Variants in LRP1B observed in about 807,000 individuals in gnomAD.
The protein encoded by LRP1B is LDL receptor related protein 1B.
Under a neutral mutation model 556.6 loss-of-function variants are expected in LRP1B, and 217 were observed. That is an observed-to-expected ratio of 0.39 (90% confidence interval 0.35 to 0.44). The LOEUF (loss-of-function observed/expected upper bound fraction) is 0.44, where lower values mean the gene tolerates loss of function less well. Among genes scored for constraint, LRP1B ranks in the 20% least tolerant of loss-of-function variants. The pLI is 1.00. For synonymous variants in LRP1B, 2,047 were observed against 1,865.8 expected (o/e 1.10, Z -2.50); for missense variants, 5,053 against 5,620.8 (o/e 0.90, Z 3.23).
At chr2:142,106,051 A>G (rs966983655) in intron 1 of LRP1B, among the ~76,000 whole-genome samples, 3 of 152,162 alleles carry the variant, frequency 2.0e-5, no homozygotes, top group African/African-American at 7.2e-5. Flanking sequence ...CTCAAGCCCT[A>G]TGTCTACCAC....
At chr2:141,166,007 G>A (rs1680237003) in intron 7 of LRP1B, among the ~76,000 whole-genome samples, 1 of 151,912 alleles carries the variant, frequency 6.6e-6, no homozygotes, top group Admixed American at 6.6e-5. Context: ...CCTAGTGCAA[G>A]CAACCTCTAC....
intron 3 of LRP1B, among the ~76,000 whole-genome samples, chr2:141,339,750 GTTTATTTATTTTTCTCTTTTATTTA>G (rs1157468283): frequency 3.3e-5 from 4 of 121,356 alleles, no homozygotes; most frequent in African/African-American, 1.4e-4. Flanking sequence ...AAGAGTCATG[GTTTATTTATTTTTCTCTTTTATTTA>G]TTTATTTATT....
chr2:141,136,927 CAGTTCT>C (rs1387294924), intron 7 of LRP1B, among the ~76,000 whole-genome samples: 2 of 151,806 alleles, frequency 1.3e-5, no homozygotes, highest in African/African-American at 2.4e-5. Flanking sequence ...ATCTGGTATT[CAGTTCT>C]ATAGATACTA....
intron 84 of LRP1B, among the ~76,000 whole-genome samples, chr2:140,281,976 TG>T (rs1267689614): frequency 6.8e-6 from 1 of 147,004 alleles, no homozygotes; most frequent in East Asian, 2.0e-4. Context: ...ATACTTATAC[TG>T]GGATGAGATA....
chr2:140,440,509 A>C (rs1686377596), intron 66 of LRP1B, among the ~76,000 whole-genome samples: 1 of 152,194 alleles, frequency 6.6e-6, no homozygotes, highest in Admixed American at 6.5e-5. Context: ...GCAGAAGGAG[A>C]ATCATCCCAG....
At chr2:141,718,000 T>C (rs1692670327) in intron 2 of LRP1B, among the ~76,000 whole-genome samples, 1 of 152,184 alleles carries the variant, frequency 6.6e-6, no homozygotes, top group Non-Finnish European at 1.5e-5. Context: ...TCCCAGGGCT[T>C]TGCATAGAGA....
chr2:141,720,831 C>T (rs1259458040), intron 2 of LRP1B, among the ~76,000 whole-genome samples: 2 of 152,068 alleles, frequency 1.3e-5, no homozygotes, highest in East Asian at 1.9e-4. Flanking sequence ...ACAATCCTTT[C>T]CCACTAGGAA....
At chr2:142,110,750 G>A (rs1325648658) in intron 1 of LRP1B, among the ~76,000 whole-genome samples, 3 of 152,038 alleles carry the variant, frequency 2.0e-5, no homozygotes, top group Non-Finnish European at 4.4e-5. Flanking sequence ...AGATTATAAA[G>A]GACATCTCCT....
chr2:141,597,821 G>A lies in LRP1B; in HGVS notation c.206-117288C>T, dbSNP rs534659893. ...TTAAATGATGAACAGTCACTTAAAC[G>A]TATCAGACATTAACAACAGGAATGA... On this transcript the variant is annotated intron_variant, in intron 2 of 90. Transcript: ENST00000389484. Among the ~76,000 whole-genome samples, 19 of 151,966 alleles carry A rather than the reference G, an allele frequency of 1.3e-4. No homozygotes were observed. In the South Asian group the frequency reaches 3.3e-3, roughly 27 times the overall value.
At chr2:140,566,500 T>A (rs2105092354) in intron 43 of LRP1B, among the ~76,000 whole-genome samples, 1 of 152,230 alleles carries the variant, frequency 6.6e-6, no homozygotes, top group South Asian at 2.1e-4. Context: ...AGTTGAGCAC[T>A]GCCTCCGGAG....
At chr2:140,869,526 G>A (rs1470689923) in intron 25 of LRP1B, among the ~76,000 whole-genome samples, 1 of 152,088 alleles carries the variant, frequency 6.6e-6, no homozygotes, top group African/African-American at 2.4e-5. Context: ...CTATTATACA[G>A]AGAATAGATA....
intron 3 of LRP1B, among the ~76,000 whole-genome samples, chr2:141,351,340 CTCT>C (rs1688436470): frequency 6.6e-6 from 1 of 151,972 alleles, no homozygotes; most frequent in Admixed American, 6.6e-5. Context: ...TATGAAACTA[CTCT>C]TCAACACCTT....
chr2:141,133,909 C>T (rs1031084584), intron 7 of LRP1B, among the ~76,000 whole-genome samples: 1 of 151,962 alleles, frequency 6.6e-6, no homozygotes, highest in Non-Finnish European at 1.5e-5. Context: ...TGATCAACTC[C>T]ACCTAGATGT....
At chr2:141,399,270 A>C (rs1163922936) in intron 3 of LRP1B, among the ~76,000 whole-genome samples, 3 of 151,968 alleles carry the variant, frequency 2.0e-5, no homozygotes, top group Non-Finnish European at 4.4e-5. Context: ...TAAATAAATA[A>C]AGCCAAATTC....
chr2:141,913,427 C>T (rs2104956973), intron 1 of LRP1B, among the ~76,000 whole-genome samples: 1 of 152,292 alleles, frequency 6.6e-6, no homozygotes, highest in Admixed American at 6.5e-5. Flanking sequence ...CCTTCCCACT[C>T]TCCATTACAC....
At chr2:141,061,088 T>C (rs16845255) in intron 8 of LRP1B, among the ~76,000 whole-genome samples, 5,112 of 151,824 alleles carry the variant, frequency 0.034, 109 homozygotes, top group South Asian at 0.1. Context: ...TCTAAGGTTG[T>C]AACTAAGAGC....
chr2:140,617,827 C>T (rs1039537067), intron 41 of LRP1B, among the ~76,000 whole-genome samples: 5 of 151,898 alleles, frequency 3.3e-5, no homozygotes, highest in African/African-American at 1.2e-4. Flanking sequence ...TCTGGTCCTC[C>T]AAAATCCTAC....
At chr2:141,506,018 G>A (rs1683919243) in intron 2 of LRP1B, among the ~76,000 whole-genome samples, 1 of 152,022 alleles carries the variant, frequency 6.6e-6, no homozygotes, top group South Asian at 2.1e-4. Flanking sequence ...CCCAGCTGTT[G>A]AGAAGTGTGA....
chr2:141,672,668 G>A (rs548281571), intron 2 of LRP1B, among the ~76,000 whole-genome samples: 108 of 152,210 alleles, frequency 7.1e-4, no homozygotes, highest in African/African-American at 2.5e-3. Flanking sequence ...CTTAACCTGT[G>A]GAATGACTAG....
Sources: gnomAD v4.1 joint callset for allele counts (sites outside exome capture counted in the v4.1 genomes callset) on GRCh38, gnomAD v4.1.1 for gene constraint, MANE v1.5 for transcripts, NCBI Gene and HGNC (gene_info 2026-07-23, HGNC 2026-07-21) for gene names.